The following PCDHA4 variants were observed in gnomAD, a reference collection of about 807,000 sequenced individuals.
PCDHA4 encodes the protein protocadherin alpha 4, also known as protocadherin alpha-4.
Under a neutral mutation model 61.4 loss-of-function variants are expected in PCDHA4, and 49 were observed. The ratio of observed to expected loss-of-function variants is 0.80; its 90% confidence interval spans 0.63 to 1.01. The LOEUF (loss-of-function observed/expected upper bound fraction) is 1.01, where lower values mean the gene tolerates loss of function less well. Among genes scored for constraint, PCDHA4 ranks in the 50% least tolerant of loss-of-function variants. PCDHA4 has a pLI of 0.00. For synonymous variants in PCDHA4, 590 were observed against 550.3 expected (o/e 1.07, Z -1.01); for missense variants, 1,254 against 1,235.8 (o/e 1.01, Z -0.22).
At chr5:140,889,946 C>T (rs1554184112) in intron 1 of PCDHA4, among the ~76,000 whole-genome samples, 1 of 152,114 alleles carries the variant, frequency 6.6e-6, no homozygotes, top group East Asian at 1.9e-4. Flanking sequence ...TGTGAGAAGC[C>T]AAATGGATAG....
chr5:140,807,654 G>A lies in PCDHA4; in HGVS notation c.467G>A (p.Gly156Asp), dbSNP rs1243114134. The change falls in exon 1 of 4, where the codon GGC becomes GAC. Residue 156 changes from glycine to aspartate, a missense_variant. Transcript: ENST00000530339. The stretch of plus-strand genomic sequence containing the variant: ...CTTGACTCTCGGTTTCCACTAGAGG[G>A]CGCCTCGGATGCAGATATCGGGGAG... ...RPLDSRFPLE[G>D]ASDADIGENA... The A allele has an allele frequency of 5.0e-6, 8 of 1,614,088 alleles. No individual in the cohort carries two copies. Among genetic ancestry groups the A allele is most frequent in the African/African-American group, 4.0e-5 (3 of 74,916 alleles).
intron 1 of PCDHA4, chr5:140,813,911 A>T (rs1765400735): frequency 6.6e-6 from 1 of 152,288 alleles, no homozygotes; most frequent in East Asian, 1.9e-4. Context: ...AAGTGGGAGG[A>T]TCCTTGACTT....
intron 1 of PCDHA4, chr5:140,928,443 G>A: frequency 6.2e-7 from 1 of 1,614,184 alleles, no homozygotes. Context: ...ACTTTGAGCA[G>A]CTCAGGGGGT....
Position 140,809,207 on chromosome 5 carries a change from C to A in PCDHA4, c.2020C>A (p.Gln674Lys), listed in dbSNP as rs782769972. 2 of 1,614,052 alleles carry A rather than the reference C, an allele frequency of 1.2e-6. No homozygotes were observed. The highest frequency in any genetic ancestry group is 3.3e-5 in the Admixed American group (2 of 60,034). ...GCTGGTGTCACTTGTGGAGAGTGGA[C>A]AGGCGCCAAAGGCCTCCTCACGGGC... ...TVLVSLVESG[Q>K]APKASSRALV... The change falls in exon 1 of 4, where the codon CAG (glutamine) becomes AAG (lysine). Residue 674 changes from glutamine (Q) to lysine (K), a missense_variant. Gln to Lys is a moderately conservative substitution (Grantham distance 53, BLOSUM62 1). Transcript: ENST00000530339.
At chr5:140,993,462 T>TCACACACA (rs3836747) in intron 3 of PCDHA4, among the ~76,000 whole-genome samples, 2,160 of 141,010 alleles carry the variant, frequency 0.015, 29 homozygotes, top group Admixed American at 0.024. Flanking sequence ...TCTTTCTTTC[T>TCACACACA]CACACACACA....
intron 1 of PCDHA4, among the ~76,000 whole-genome samples, chr5:140,874,496 T>G (rs1352627184): frequency 3.9e-5 from 6 of 152,214 alleles, no homozygotes; most frequent in African/African-American, 1.4e-4. Context: ...TGATATCAAG[T>G]TCACATTCTC....
rs1554138767 is a variant in PCDHA4, at chr5:140,842,067, T to C, written c.2385+32495T>C. On this transcript the variant is annotated intron_variant, in intron 1 of 3. Coordinates refer to ENST00000530339, the MANE Select transcript of PCDHA4 (RefSeq NM_018907.4). ...ACTTTCGAACAGTCTGAATACGAAG[T>C]AAGAATATTCGAAAACGCAGACAAC... 5.6e-6 allele frequency: 9 copies of C among 1,613,874 alleles called. No individual in the cohort carries two copies. The South Asian group carries it at 9.9e-5, about 18-fold the overall frequency.
At chr5:140,903,470 C>T (rs1425928113) in intron 1 of PCDHA4, among the ~76,000 whole-genome samples, 2 of 152,140 alleles carry the variant, frequency 1.3e-5, no homozygotes, top group Non-Finnish European at 2.9e-5. Context: ...AATATTATTC[C>T]TTGCATTATA....
intron 1 of PCDHA4, chr5:140,857,524 T>G (rs251363): frequency 0.63 from 998,871 of 1,597,030 alleles, 345,157 homozygotes; most frequent in African/African-American, 0.69. Context: ...TGTCCTACTC[T>G]CTGGTGGAGC....
At chr5:140,966,395 T>A in intron 1 of PCDHA4, 1 of 404,602 alleles carries the variant, frequency 2.5e-6, no homozygotes, top group Non-Finnish European at 4.3e-6. Flanking sequence ...GTCCGCCACT[T>A]CGGCGCGGAA....
chr5:140,993,449 C>T (rs2097557237), intron 3 of PCDHA4, among the ~76,000 whole-genome samples: 1 of 144,318 alleles, frequency 6.9e-6, no homozygotes, highest in Non-Finnish European at 1.5e-5. Context: ...TTCCTGTTCT[C>T]CTTCTTTCTT....
chr5:140,857,908 G>A (rs782073504), intron 1 of PCDHA4: 2 of 1,597,838 alleles, frequency 1.3e-6, no homozygotes, highest in Non-Finnish European at 1.7e-6. Flanking sequence ...CACGCATCCC[G>A]TTTCGCGTGG....
chr5:140,969,557 A>G, intron 1 of PCDHA4: 2 of 1,212,410 alleles, frequency 1.6e-6, no homozygotes, highest in South Asian at 3.3e-5. Context: ...AGCCTTGTCC[A>G]TAAAATTGTT....
At chr5:140,927,195 C>T in intron 1 of PCDHA4, 1 of 1,614,118 alleles carries the variant, frequency 6.2e-7, no homozygotes, top group Non-Finnish European at 8.5e-7. Flanking sequence ...ACCTGGTGCT[C>T]GAGGACCCGC....
At chr5:140,864,639 A>C (rs2048553058) in intron 1 of PCDHA4, 1 of 152,238 alleles carries the variant, frequency 6.6e-6, no homozygotes, top group South Asian at 2.1e-4. Flanking sequence ...ACAAAACAAA[A>C]CAATGTCAGC....
chr5:140,960,886 A>G (rs1161636963), intron 1 of PCDHA4, among the ~76,000 whole-genome samples: 1 of 152,198 alleles, frequency 6.6e-6, no homozygotes, highest in African/African-American at 2.4e-5. Context: ...CACACTAATG[A>G]ATTTGGGGCA....
At chr5:140,880,630 C>T (rs2058401400) in intron 1 of PCDHA4, among the ~76,000 whole-genome samples, 2 of 152,122 alleles carry the variant, frequency 1.3e-5, no homozygotes, top group Admixed American at 1.3e-4. Context: ...AGTTAATTAT[C>T]AATTCACTTG....
intron 1 of PCDHA4, among the ~76,000 whole-genome samples, chr5:140,886,563 C>CA (rs1344648100): frequency 6.6e-6 from 1 of 152,024 alleles, no homozygotes. Context: ...CACGGTGGCT[C>CA]ACGCCTGTAA....
At position 140,825,360 on chromosome 5, in the gene PCDHA4, A is replaced by G. The variant is rs1051458898; in HGVS notation, c.2385+15788A>G. 2.7e-5 allele frequency: 4 copies of G among 147,186 alleles called. No homozygotes were observed. The South Asian group carries it at 6.3e-4, about 23-fold the overall frequency. 9.1% of individuals were successfully genotyped at this position (147,186 alleles called of 1,614,324 possible). A position where few individuals can be genotyped will look rare whatever the true frequency, so the allele number is the denominator to read the frequency against. ...TTTCAATATATCTAATATATATTAG[A>G]TATATAAATATCTAAAATATCTAAT... On this transcript the variant is annotated intron_variant, in intron 1 of 3. Coordinates refer to ENST00000530339, the MANE Select transcript of PCDHA4 (RefSeq NM_018907.4).
Sources: allele counts gnomAD v4.1 joint callset (sites outside exome capture counted in the v4.1 genomes callset), GRCh38; gene constraint gnomAD v4.1.1; transcripts MANE v1.5; gene names NCBI Gene and HGNC (gene_info 2026-07-23, HGNC 2026-07-21).